Variants in RPS27 observed in about 807,000 individuals in gnomAD.
RPS27 encodes the protein ribosomal protein S27.
RPS27 carries 1 observed loss-of-function variant against 11.8 expected under a neutral mutation model. That is an observed-to-expected ratio of 0.08 (90% confidence interval 0.03 to 0.40). The LOEUF (loss-of-function observed/expected upper bound fraction) is 0.40. Ranked by LOEUF, RPS27 falls within the 10% of genes least tolerant of loss-of-function variation. The probability of loss-of-function intolerance (pLI) is 0.98; values close to 1 mark genes in which losing one functional copy is unlikely to be tolerated. For missense variants in RPS27, 44 were observed against 100.1 expected, an observed-to-expected ratio of 0.44 and a Z score of 2.39; for synonymous variants, 42 against 33.8, an observed-to-expected ratio of 1.24 and a Z score of -0.84.
intron 1 of RPS27, 151 bp downstream of exon 1, chr1:153,990,953 C>A: frequency 7.8e-7 from 1 of 1,288,052 alleles, no homozygotes; most frequent in Admixed American, 1.9e-5. Flanking sequence ...ACGGGCCACC[C>A]GCATAGACGG....
chr1:153,990,992 A>T (rs1036917762), intron 1 of RPS27, 123 bp from the exon 2 acceptor site: 2 of 1,162,874 alleles, frequency 1.7e-6, no homozygotes, highest in Non-Finnish European at 2.5e-6. Flanking sequence ...ATGGCGGCCC[A>T]GCTGCGCAGA....
rs146915876 is a variant in RPS27, at chr1:153,991,942, G to A, written c.227-123G>A. ...AACCAGTGATACAAATGCGCAGGTAGCTAAGAGTTGAGAAAAAAGATGTAG... is the reference window on the plus strand; with the variant it reads ...AACCAGTGATACAAATGCGCAGGTAACTAAGAGTTGAGAAAAAAGATGTAG... On this transcript the variant is annotated intron_variant, in intron 3 of 3. Coordinates refer to ENST00000651669, the MANE Select transcript of RPS27 (RefSeq NM_001030.6). 51 of 912,998 alleles carry A rather than the reference G, an allele frequency of 5.6e-5. No individual in the cohort carries two copies. In the African/African-American group the frequency reaches 6.6e-4, roughly 12 times the overall value. The allele number at this position is 912,998 out of a possible 1,614,324, so 56.6% of individuals were successfully genotyped here. A position where few individuals can be genotyped will look rare whatever the true frequency, so the allele number is the denominator to read the frequency against.
At chr1:153,991,007 A>AG in intron 1 of RPS27, 108 bp from the exon 2 acceptor site, 3 of 1,107,412 alleles carry the variant, frequency 2.7e-6, no homozygotes, top group Non-Finnish European at 3.9e-6. Flanking sequence ...CGCAGACACC[A>AG]GGGGCGGCGA....
chr1:153,991,533 A>G (rs1410270456), intron 2 of RPS27, 33 bp from the exon 3 acceptor site: 1 of 1,536,632 alleles, frequency 6.5e-7, no homozygotes. Flanking sequence ...CGGGTGTAAT[A>G]GAGGAAAAAA....
At chr1:153,990,986 C>T in intron 1 of RPS27, 129 bp from the exon 2 acceptor site, 2 of 1,166,110 alleles carry the variant, frequency 1.7e-6, no homozygotes, top group Non-Finnish European at 2.5e-6. Context: ...GATAAGATGG[C>T]GGCCCAGCTG....
chr1:153,991,916 T>C, intron 3 of RPS27, 149 bp from the exon 4 acceptor site: 1 of 731,408 alleles, frequency 1.4e-6, no homozygotes, highest in East Asian at 2.8e-5. Context: ...TGATAGGAAG[T>C]AACCAGTGAT....
At position 153,992,048 on chromosome 1, in the gene RPS27, G is replaced by A; in HGVS notation, c.227-17G>A. The A allele has an allele frequency of 6.2e-7, 1 of 1,613,082 alleles. No individual in the cohort carries two copies. The highest frequency in any genetic ancestry group is 8.5e-7 in the Non-Finnish European group (1 of 1,179,298). ...CCTGTACTGATGACAGCTAATCTCT[G>A]AATCTTTTTCCTCCAGGATGTTCCT... is the stretch of plus-strand genomic sequence containing the variant. On this transcript the variant is annotated splice_polypyrimidine_tract_variant and intron_variant, in intron 3 of 3. Coordinates refer to ENST00000651669, the MANE Select transcript of RPS27 (RefSeq NM_001030.6).
intron 2 of RPS27, 95 bp downstream of exon 2, chr1:153,991,318 A>AG: frequency 2.0e-6 from 3 of 1,534,902 alleles, no homozygotes; most frequent in Non-Finnish European, 2.6e-6. Flanking sequence ...GAAGCTGTGC[A>AG]GCAGCTTCAG....
At chr1:153,991,489 A>G in intron 2 of RPS27, 77 bp from the exon 3 acceptor site, 1 of 1,358,350 alleles carries the variant, frequency 7.4e-7, no homozygotes, top group East Asian at 2.3e-5. Context: ...AAACAATGTA[A>G]TGGATGATGA....
intron 3 of RPS27, 52 bp downstream of exon 3, chr1:153,991,728 G>A: frequency 8.3e-7 from 1 of 1,206,002 alleles, no homozygotes; most frequent in Non-Finnish European, 1.2e-6. Flanking sequence ...TTTTAGAAAT[G>A]GAAACATTTC....
In RPS27 at chr1:153,991,695, T is replaced by G. The variant is rs1405888572; in HGVS notation, c.226+19T>G. On this transcript the variant is annotated intron_variant, in intron 3 of 3. Coordinates refer to ENST00000651669, the MANE Select transcript of RPS27 (RefSeq NM_001030.6). ...ACAGAAGGTAAATGGTTTACTAATG[T>G]GATTTGGGGCTTTGAGTTTGATTTT... is the stretch of plus-strand genomic sequence containing the variant. 4 of 1,472,210 alleles carry G rather than the reference T, an allele frequency of 2.7e-6. No individual in the cohort carries two copies. The highest frequency in any genetic ancestry group is 3.8e-6 in the Non-Finnish European group (4 of 1,058,310). The allele number at this position is 1,472,210 out of a possible 1,614,324, so 91.2% of individuals were successfully genotyped here. A position where few individuals can be genotyped will look rare whatever the true frequency, so the allele number is the denominator to read the frequency against.
chr1:153,991,998 T>G (rs374937935), intron 3 of RPS27, 67 bp from the exon 4 acceptor site: 1 of 1,455,766 alleles, frequency 6.9e-7, no homozygotes, highest in Non-Finnish European at 9.6e-7. Flanking sequence ...ATGCATCTGC[T>G]TTTTTGGGAG....
chr1:153,991,085 TC>T, intron 1 of RPS27, 29 bp from the exon 2 acceptor site: 1 of 1,511,212 alleles, frequency 6.6e-7, no homozygotes, highest in Admixed American at 2.1e-5. Flanking sequence ...GCTGTTGGTT[TC>T]TAAATCTCTG....
chr1:153,990,938 G>A, intron 1 of RPS27, 136 bp downstream of exon 1: 6 of 1,339,122 alleles, frequency 4.5e-6, no homozygotes, highest in Non-Finnish European at 6.4e-6. Context: ...GGACCGCAGC[G>A]GCCCACGGGC....
rs1404732031 is a variant in RPS27, at chr1:153,991,136, C to T, written c.28C>T (p.Pro10Ser). MPLAKDLLHPSPEEEKRKHK... is the reference protein window; with the variant it reads MPLAKDLLHSSPEEEKRKHK... ...TTAGCTCGCAAAGGATCTCCTTCATCCCTCTCCAGAAGAGGAGAAGAGGAA... is the reference window on the plus strand; with the variant it reads ...TTAGCTCGCAAAGGATCTCCTTCATTCCTCTCCAGAAGAGGAGAAGAGGAA... The change falls in exon 2 of 4, where the codon CCC (proline) becomes TCC (serine). Residue 10 changes from proline to serine, a missense_variant. Pro to Ser is a moderately conservative substitution (Grantham distance 74). Transcript: ENST00000651669. 7.5e-6 allele frequency: 12 copies of T among 1,590,500 alleles called. No individual in the cohort carries two copies. The highest frequency in any genetic ancestry group is 2.7e-5 in the African/African-American group (2 of 74,318).
At chr1:153,991,798 G>A in intron 3 of RPS27, 122 bp downstream of exon 3, 1 of 708,114 alleles carries the variant, frequency 1.4e-6, no homozygotes, top group South Asian at 1.8e-5. Flanking sequence ...TTTTAGACAA[G>A]AAGTGTTGGA....
intron 2 of RPS27, 38 bp downstream of exon 2, chr1:153,991,261 A>T (rs2147866800): frequency 6.4e-7 from 1 of 1,571,344 alleles, no homozygotes; most frequent in Admixed American, 1.8e-5. Flanking sequence ...AAAGCACTGG[A>T]CCTCAACAGT....
chr1:153,991,754 C>T (rs1223903142), intron 3 of RPS27, 78 bp downstream of exon 3: 9 of 961,934 alleles, frequency 9.4e-6, no homozygotes, highest in Non-Finnish European at 1.3e-5. Context: ...ATTTTTCGGT[C>T]TTAACAGTGA....
At chr1:153,990,924 C>G in intron 1 of RPS27, 122 bp downstream of exon 1, 1 of 1,437,166 alleles carries the variant, frequency 7.0e-7, no homozygotes, top group African/African-American at 1.4e-5. Context: ...GACATTAACT[C>G]CAGGGACCGC....
Sources: allele counts gnomAD v4.1 joint callset, GRCh38; gene constraint gnomAD v4.1.1; transcripts MANE v1.5; gene names NCBI Gene and HGNC (gene_info 2026-07-23, HGNC 2026-07-21).